NCKAP5: variants seen among roughly 807,000 people sequenced by gnomAD.
NCKAP5 encodes nck-associated protein 5.
Under a neutral mutation model 167.0 loss-of-function variants are expected in NCKAP5, and 92 were observed. The observed-to-expected ratio is 0.55, with a 90% CI of 0.47 to 0.66. The LOEUF is 0.66. NCKAP5 is among the 30% of genes least tolerant of loss of function. The probability of loss-of-function intolerance (pLI) is 0.00; values close to 1 mark genes in which losing one functional copy is unlikely to be tolerated. For missense variants in NCKAP5, 2,378 were observed against 2,315.0 expected (o/e 1.03, Z -0.56); for synonymous variants, 891 against 877.4 (o/e 1.02, Z -0.27).
intron 16 of NCKAP5, among the ~76,000 whole-genome samples, chr2:132,744,271 T>G (rs1679452791): frequency 6.6e-6 from 1 of 151,648 alleles, no homozygotes; most frequent in African/African-American, 2.4e-5. Flanking sequence ...ACCATATCCT[T>G]CATTATAAAA....
chr2:133,331,654 CA>C (rs1261099566), intron 3 of NCKAP5, among the ~76,000 whole-genome samples: 4 of 152,136 alleles, frequency 2.6e-5, no homozygotes, highest in Non-Finnish European at 5.9e-5. Context: ...ACAGCCAACC[CA>C]GGACCGGTTT....
At chr2:132,680,626 C>T (rs1324934383) in intron 19 of NCKAP5, among the ~76,000 whole-genome samples, 1 of 152,090 alleles carries the variant, frequency 6.6e-6, no homozygotes, top group African/African-American at 2.4e-5. Flanking sequence ...GACATTTAAA[C>T]ACCAGATCAA....
chr2:132,934,719 T>G (rs1204785807), intron 8 of NCKAP5, among the ~76,000 whole-genome samples: 3 of 152,254 alleles, frequency 2.0e-5, no homozygotes, highest in Non-Finnish European at 4.4e-5. Context: ...ATGAAAGACC[T>G]ATTTGGTGCC....
chr2:133,400,032 A>G lies in NCKAP5; in HGVS notation c.70-96922T>C, dbSNP rs1011701201. ...AAACTCATTTTATTTTCTAATTTCAATCTTCCTTACCCAGTATTCTTAAAT... is the reference window on the plus strand; with the variant it reads ...AAACTCATTTTATTTTCTAATTTCAGTCTTCCTTACCCAGTATTCTTAAAT... On this transcript the variant is annotated intron_variant, in intron 3 of 19. Coordinates refer to ENST00000409261, the MANE Select transcript of NCKAP5 (RefSeq NM_207363.3). Among the ~76,000 whole-genome samples, 15 of 152,300 alleles carry G rather than the reference A, an allele frequency of 9.8e-5. 1 individual carries two copies. Among genetic ancestry groups the G allele is most frequent in the African/African-American group, 3.6e-4 (15 of 41,572 alleles).
intron 4 of NCKAP5, among the ~76,000 whole-genome samples, chr2:133,300,183 G>A (rs1483078160): frequency 1.7e-5 from 2 of 118,900 alleles, no homozygotes; most frequent in Non-Finnish European, 3.4e-5. Context: ...ATTCACAGCC[G>A]AATTCTACCA....
intron 6 of NCKAP5, among the ~76,000 whole-genome samples, chr2:133,046,551 TA>T (rs1267132986): frequency 2.6e-5 from 4 of 151,984 alleles, no homozygotes; most frequent in Admixed American, 1.3e-4. Context: ...GTTAATTTTT[TA>T]ATTTTTTATA....
intron 16 of NCKAP5, among the ~76,000 whole-genome samples, chr2:132,767,324 G>A (rs1380027483): frequency 2.0e-5 from 3 of 151,810 alleles, no homozygotes; most frequent in South Asian, 4.2e-4. Flanking sequence ...TCGGCTCACC[G>A]CAACCTCCGC....
At chr2:133,605,736 G>A in the NCKAP5 span, among the ~76,000 whole-genome samples, 1 of 152,114 alleles carries the variant, frequency 6.6e-6, no homozygotes, top group Non-Finnish European at 1.5e-5. Context: ...GTTCTTATGT[G>A]AGCATCTTAT....
intron 1 of NCKAP5, among the ~76,000 whole-genome samples, chr2:133,561,749 G>A (rs1328802068): frequency 6.6e-6 from 1 of 152,084 alleles, no homozygotes; most frequent in East Asian, 1.9e-4. Flanking sequence ...AAAAGAACAT[G>A]GTGACTTGAG....
chr2:133,101,510 C>T (rs986627285), intron 6 of NCKAP5, among the ~76,000 whole-genome samples: 11 of 145,402 alleles, frequency 7.6e-5, no homozygotes, highest in African/African-American at 1.0e-4. Context: ...GCCATTTTCA[C>T]GATATTGATT....
chr2:133,090,178 G>A (rs2081124201), intron 6 of NCKAP5, among the ~76,000 whole-genome samples: 1 of 150,742 alleles, frequency 6.6e-6, no homozygotes, highest in Non-Finnish European at 1.5e-5. Flanking sequence ...GCCAACTGGG[G>A]CAATACAGTG....
chr2:132,700,720 A>G (rs561762072), intron 19 of NCKAP5, among the ~76,000 whole-genome samples: 1 of 152,330 alleles, frequency 6.6e-6, no homozygotes, highest in South Asian at 2.1e-4. Flanking sequence ...TCAAGGCTTG[A>G]TGCTGGGCCA....
intron 11 of NCKAP5, among the ~76,000 whole-genome samples, chr2:132,839,162 A>G (rs1380966940): frequency 6.6e-6 from 1 of 152,148 alleles, no homozygotes; most frequent in Non-Finnish European, 1.5e-5. Flanking sequence ...TCTACTGCTT[A>G]TGTTAGGATT....
At chr2:132,705,255 T>C (rs1335749429) in intron 19 of NCKAP5, among the ~76,000 whole-genome samples, 1 of 145,990 alleles carries the variant, frequency 6.8e-6, no homozygotes, top group Non-Finnish European at 1.6e-5. Flanking sequence ...GTGTGGTAAT[T>C]TCTCTCATCC....
intron 3 of NCKAP5, among the ~76,000 whole-genome samples, chr2:133,470,320 C>CTCGGGGG (rs1292673696): frequency 4.6e-5 from 7 of 152,094 alleles, no homozygotes; most frequent in African/African-American, 7.2e-5. Flanking sequence ...AGTTAGGCTG[C>CTCGGGGG]TCGGGGGTCA....
intron 6 of NCKAP5, among the ~76,000 whole-genome samples, chr2:133,043,500 C>T (rs1422554055): frequency 6.6e-6 from 1 of 152,070 alleles, no homozygotes; most frequent in Non-Finnish European, 1.5e-5. Context: ...AATACACTAA[C>T]ACTAATGATA....
At chr2:133,531,868 C>T (rs1685392797) in intron 2 of NCKAP5, among the ~76,000 whole-genome samples, 1 of 152,150 alleles carries the variant, frequency 6.6e-6, no homozygotes, top group African/African-American at 2.4e-5. Context: ...AATCTTGTGC[C>T]ATATTTGCTT....
intron 8 of NCKAP5, chr2:132,911,185 G>C (rs1694421638): frequency 5.1e-6 from 1 of 197,180 alleles, no homozygotes; most frequent in South Asian, 1.1e-4. Flanking sequence ...ATGATTCATG[G>C]ATCTTTCAAG....
intron 5 of NCKAP5, among the ~76,000 whole-genome samples, chr2:133,174,662 T>A (rs1190996751): frequency 6.6e-6 from 1 of 152,008 alleles, no homozygotes; most frequent in Non-Finnish European, 1.5e-5. Context: ...TGGGAGGCAT[T>A]TCCCTATTCT....
Sources: allele counts gnomAD v4.1 joint callset (sites outside exome capture counted in the v4.1 genomes callset), GRCh38; gene constraint gnomAD v4.1.1; transcripts MANE v1.5; gene names NCBI Gene and HGNC (gene_info 2026-07-23, HGNC 2026-07-21).